ABLIM2: variants seen among roughly 807,000 people sequenced by gnomAD.
The protein encoded by ABLIM2 is actin binding LIM protein family member 2.
ABLIM2 carries 53 observed loss-of-function variants against 97.7 expected under a neutral mutation model. The ratio of observed to expected loss-of-function variants is 0.54; its 90% CI spans 0.44 to 0.68. The LOEUF is 0.68. Ranked by LOEUF, ABLIM2 falls within the 30% of genes least tolerant of loss-of-function variation. The pLI is 0.00. For synonymous variants in ABLIM2, 361 were observed against 345.8 expected (o/e 1.04, Z -0.49); for missense variants, 835 against 867.2 (o/e 0.96, Z 0.47).
At chr4:8,080,065 C>T (rs1406577424) in intron 5 of ABLIM2, among the ~76,000 whole-genome samples, 1 of 152,236 alleles carries the variant, frequency 6.6e-6, no homozygotes, top group Non-Finnish European at 1.5e-5. Flanking sequence ...GAGCTGCCTC[C>T]ATTCAAGGCC....
In ABLIM2 at chr4:8,019,751, T is replaced by A. The variant is rs34327175; in HGVS notation, c.1370-80A>T. Reference sequence around the variant, plus strand: ...TGATGGTTTCTGTTCTACAGCTTTTTGTAAGCAACAAGCACTCACCCAGAT... The same window carrying A: ...TGATGGTTTCTGTTCTACAGCTTTTAGTAAGCAACAAGCACTCACCCAGAT... On this transcript the variant is annotated intron_variant, in intron 13 of 20. Coordinates refer to ENST00000447017, the MANE Select transcript of ABLIM2 (RefSeq NM_001130083.2). This position sits in a 1 kb window ranked among gnomAD's most constrained non-coding sequence, Gnocchi z 4.3. 1.4e-6 allele frequency: 2 copies of A among 1,382,822 alleles called. No individual in the cohort carries two copies. Among genetic ancestry groups the A allele is most frequent in the Non-Finnish European group, 1.0e-6 (1 of 986,174 alleles). 85.7% of individuals were successfully genotyped at this position (1,382,822 alleles called of 1,614,324 possible). A position where few individuals can be genotyped will look rare whatever the true frequency, so the allele number is the denominator to read the frequency against.
chr4:8,099,272 C>T (rs747650486), intron 2 of ABLIM2, among the ~76,000 whole-genome samples: 8 of 152,374 alleles, frequency 5.3e-5, no homozygotes, highest in Middle Eastern at 3.4e-3. Flanking sequence ...GATGTCAGCG[C>T]CACCTGCCCC....
rs912590484 is a variant in ABLIM2, at chr4:8,120,169, C to A, written c.11-13532G>T. Reference sequence around the variant, plus strand: ...AAACAGCCCAGCGGCCACGCTGCCCCTTCCTCCCAGAAGAGGACGTGGCAG... The same window carrying A: ...AAACAGCCCAGCGGCCACGCTGCCCATTCCTCCCAGAAGAGGACGTGGCAG... On this transcript the variant is annotated intron_variant, in intron 1 of 20. Transcript: ENST00000447017. The surrounding 1 kb of genome is among the most constrained non-coding windows in gnomAD (Gnocchi z 5.6). Among the ~76,000 whole-genome samples the A allele has an allele frequency of 6.6e-6, 1 of 152,154 alleles. No homozygotes were observed. Among genetic ancestry groups the A allele is most frequent in the African/African-American group, 2.4e-5 (1 of 41,442 alleles).
At chr4:7,971,340 C>T (rs1727840958) in intron 20 of ABLIM2, among the ~76,000 whole-genome samples, 1 of 152,186 alleles carries the variant, frequency 6.6e-6, no homozygotes, top group African/African-American at 2.4e-5. Flanking sequence ...TGCACCTCAC[C>T]CCCAGGGCCC....
Position 8,032,640 on chromosome 4 carries a change from G to C in ABLIM2, c.1048-2864C>G. The stretch of plus-strand genomic sequence containing the variant: ...GCAAGCGGGGACAGGCGAGAGGGTG[G>C]TGGTTACCTCGGTCGGCGTTGGCGA... On this transcript the variant is annotated intron_variant, in intron 10 of 20. Coordinates refer to ENST00000447017, the MANE Select transcript of ABLIM2 (RefSeq NM_001130083.2). The surrounding 1 kb of genome is among the most constrained non-coding windows in gnomAD (Gnocchi z 4.3). The C allele has an allele frequency of 6.2e-7, 1 of 1,612,514 alleles. No individual in the cohort carries two copies. Among genetic ancestry groups the C allele is most frequent in the Non-Finnish European group, 8.5e-7 (1 of 1,179,830 alleles).
intron 8 of ABLIM2, among the ~76,000 whole-genome samples, chr4:8,049,140 G>A (rs1356574992): frequency 3.9e-5 from 6 of 152,188 alleles, no homozygotes; most frequent in Admixed American, 1.3e-4. Context: ...GCCCATCCAC[G>A]TTTGTCTCCC....
At position 8,032,541 on chromosome 4, in the gene ABLIM2, A is replaced by G. The variant is rs1579209112; in HGVS notation, c.1048-2765T>C. On this transcript the variant is annotated intron_variant, in intron 10 of 20. Transcript: ENST00000447017. The surrounding 1 kb of genome is among the most constrained non-coding windows in gnomAD (Gnocchi z 4.3). ...GGCCGTGGCCCCGGGCCCCATGGTG[A>G]AGAGCCACCGAGGAGGCCCTTCCCG... is the stretch of plus-strand genomic sequence containing the variant. 6.9e-7 allele frequency: 1 copy of G among 1,446,952 alleles called. No individual in the cohort carries two copies. Among genetic ancestry groups the G allele is most frequent in the East Asian group, 2.3e-5 (1 of 43,266 alleles). The allele number at this position is 1,446,952 out of a possible 1,614,324, so 89.6% of individuals were successfully genotyped here.
rs923235648 is a variant in ABLIM2, at chr4:8,043,305, C to A, written c.900+1859G>T. On this transcript the variant is annotated intron_variant, in intron 9 of 20. Coordinates refer to ENST00000447017, the MANE Select transcript of ABLIM2 (RefSeq NM_001130083.2). The surrounding 1 kb of genome is among the most constrained non-coding windows in gnomAD (Gnocchi z 4.8). Reference sequence around the variant, plus strand: ...ATAGGAGTGTCAGCTGTGACCCTTTCAATGGGTGAGGAAACAGACCATACC... The same window carrying A: ...ATAGGAGTGTCAGCTGTGACCCTTTAAATGGGTGAGGAAACAGACCATACC... Among the ~76,000 whole-genome samples, 4 of 152,164 alleles carry A rather than the reference C, an allele frequency of 2.6e-5. No homozygotes were observed. The highest frequency in any genetic ancestry group is 4.4e-5 in the Non-Finnish European group (3 of 68,038).
chr4:8,001,903 C>G lies in ABLIM2; in HGVS notation c.1618+6156G>C, dbSNP rs80336607. Among the ~76,000 whole-genome samples, 147 of 152,332 alleles carry G rather than the reference C, an allele frequency of 9.6e-4. 4 individuals carry two copies. In the East Asian group the frequency reaches 0.027, roughly 28 times the overall value. ...CCGATGGCACCTTCCCACCTGCCCG[C>G]TTGTCAGCACACACATGTGCGTGCT... On this transcript the variant is annotated intron_variant, in intron 16 of 20. Coordinates refer to ENST00000447017, the MANE Select transcript of ABLIM2 (RefSeq NM_001130083.2). The surrounding 1 kb of genome is among the most constrained non-coding windows in gnomAD (Gnocchi z 4.2).
rs908258990 is a variant in ABLIM2 at position 8,015,853 on chromosome 4, G to T, written c.1423+3765C>A. Among the ~76,000 whole-genome samples the T allele has an allele frequency of 6.6e-6, 1 of 152,180 alleles. No homozygotes were observed. Among genetic ancestry groups the T allele is most frequent in the South Asian group, 2.1e-4 (1 of 4,812 alleles). On this transcript the variant is annotated intron_variant, in intron 14 of 20. Coordinates refer to ENST00000447017, the MANE Select transcript of ABLIM2 (RefSeq NM_001130083.2). This position sits in a 1 kb window ranked among gnomAD's most constrained non-coding sequence, Gnocchi z 4.6. ...TGGGGAGCCATCATTTTTCCCTCAT[G>T]AAATCCTTTTATTTATTTATTTTTA...
In ABLIM2 at chr4:8,082,959, G is replaced by C. The variant is rs1307169768; in HGVS notation, c.455-2157C>G. Among the ~76,000 whole-genome samples the C allele has an allele frequency of 6.6e-6, 1 of 152,144 alleles. No individual in the cohort carries two copies. Among genetic ancestry groups the C allele is most frequent in the African/African-American group, 2.4e-5 (1 of 41,440 alleles). On this transcript the variant is annotated intron_variant, in intron 4 of 20. Transcript: ENST00000447017. This position sits in a 1 kb window ranked among gnomAD's most constrained non-coding sequence, Gnocchi z 5.6. The stretch of plus-strand genomic sequence containing the variant: ...CTCTGCATCAGTGGCTCTCAACTTG[G>C]GGCACTTTTGCCCAAGAGACATTTG...
rs1252934334 is a variant in ABLIM2, at chr4:8,071,362, TG to T, written c.675+6265del. Among the ~76,000 whole-genome samples the T allele has an allele frequency of 6.6e-6, 1 of 151,812 alleles. No homozygotes were observed. The highest frequency in any genetic ancestry group is 1.5e-5 in the Non-Finnish European group (1 of 67,972). ...GCTCATCAGGACAGACACCCAGAGATGGGTGGGATGCAGGCCAACATGCATG... is the reference window on the plus strand; with the variant it reads ...GCTCATCAGGACAGACACCCAGAGATGGTGGGATGCAGGCCAACATGCATG... On this transcript the variant is annotated intron_variant, in intron 6 of 20. Coordinates refer to ENST00000447017, the MANE Select transcript of ABLIM2 (RefSeq NM_001130083.2). This position sits in a 1 kb window ranked among gnomAD's most constrained non-coding sequence, Gnocchi z 6.2.
At chr4:8,098,425 C>T (rs1832788337) in intron 2 of ABLIM2, among the ~76,000 whole-genome samples, 2 of 152,236 alleles carry the variant, frequency 1.3e-5, no homozygotes, top group African/African-American at 4.8e-5. Context: ...TACATCATTC[C>T]TTTGAGGGCA....
chr4:8,066,511 C>T (rs1309190493), intron 6 of ABLIM2: 2 of 151,970 alleles, frequency 1.3e-5, no homozygotes, highest in Non-Finnish European at 2.9e-5. Context: ...GAAACAGCCC[C>T]GGTGTCCATC....
At chr4:7,981,376 G>A (rs1738287523) in intron 20 of ABLIM2, among the ~76,000 whole-genome samples, 1 of 152,096 alleles carries the variant, frequency 6.6e-6, no homozygotes, top group African/African-American at 2.4e-5. Flanking sequence ...ACCTCGAGTT[G>A]TCCCACCTTT....
intron 14 of ABLIM2, among the ~76,000 whole-genome samples, chr4:8,016,148 G>A (rs1286053177): frequency 1.4e-5 from 2 of 147,054 alleles, no homozygotes; most frequent in Admixed American, 6.9e-5. Flanking sequence ...GGGTTCAAGC[G>A]ATTCTCCTGC....
chr4:7,991,317 G>A (rs545514669), intron 17 of ABLIM2, among the ~76,000 whole-genome samples: 1 of 152,254 alleles, frequency 6.6e-6, no homozygotes, highest in Non-Finnish European at 1.5e-5. Context: ...TACAAATGCA[G>A]AGTGTGCTGC....
chr4:8,024,547 G>A (rs952333000), intron 12 of ABLIM2, among the ~76,000 whole-genome samples: 3 of 152,206 alleles, frequency 2.0e-5, no homozygotes, highest in South Asian at 2.1e-4. Flanking sequence ...GAGGGCAGGC[G>A]ACGCTGCCTG....
rs1311758396 is a variant in ABLIM2 at position 8,008,947 on chromosome 4, G to C, written c.1476+103C>G. On this transcript the variant is annotated intron_variant, in intron 15 of 20. Coordinates refer to ENST00000447017, the MANE Select transcript of ABLIM2 (RefSeq NM_001130083.2). ...GGCCTCGCAGGGCCCCTAAGGAACA[G>C]AATGTAAGAGGAAGATTCGAAGTCT... 2.9e-6 allele frequency: 4 copies of C among 1,402,736 alleles called. No homozygotes were observed. The African/African-American group carries it at 4.2e-5, about 15-fold the overall frequency. 86.9% of individuals were successfully genotyped at this position (1,402,736 alleles called of 1,614,324 possible). A position where few individuals can be genotyped will look rare whatever the true frequency, so the allele number is the denominator to read the frequency against.
Sources: allele counts gnomAD v4.1 joint callset (sites outside exome capture counted in the v4.1 genomes callset), GRCh38; gene constraint gnomAD v4.1.1; non-coding constraint Gnocchi (gnomAD v3.1); transcripts MANE v1.5; gene names NCBI Gene and HGNC (gene_info 2026-07-23, HGNC 2026-07-21).